The following CORIN variants were observed in gnomAD, a reference collection of about 807,000 sequenced individuals.
CORIN encodes the protein atrial natriuretic peptide-converting enzyme.
In CORIN, 117 loss-of-function variants were observed where a neutral mutation model predicts 125.3. That is an observed-to-expected ratio of 0.93 (90% CI 0.80 to 1.09). CORIN has a LOEUF of 1.09. Among genes scored for constraint, CORIN ranks in the 50% least tolerant of loss-of-function variants. The pLI is 0.00. For missense variants in CORIN, 1,253 were observed against 1,306.7 expected, an observed-to-expected ratio of 0.96 and a Z score of 0.63; for synonymous variants, 450 against 466.4, an observed-to-expected ratio of 0.96 and a Z score of 0.45.
intron 16 of CORIN, among the ~76,000 whole-genome samples, chr4:47,628,528 G>A (rs1722678670): frequency 6.6e-6 from 1 of 151,130 alleles, no homozygotes; most frequent in African/African-American, 2.4e-5. Flanking sequence ...ATTTAGCATC[G>A]TTAACTATAG....
chr4:47,822,673 A>T (rs1732568517), intron 1 of CORIN, among the ~76,000 whole-genome samples: 1 of 152,108 alleles, frequency 6.6e-6, no homozygotes, highest in Non-Finnish European at 1.5e-5. Context: ...TTCTCATTGA[A>T]TCCTATCAAT....
chr4:47,769,282 A>G (rs1729909201), intron 3 of CORIN, among the ~76,000 whole-genome samples: 3 of 148,310 alleles, frequency 2.0e-5, no homozygotes, highest in African/African-American at 7.3e-5. Context: ...TCACATTTAC[A>G]ATAGCTACAA....
chr4:47,711,794 C>T (rs1726849820), intron 5 of CORIN, among the ~76,000 whole-genome samples: 1 of 152,134 alleles, frequency 6.6e-6, no homozygotes, highest in South Asian at 2.1e-4. Flanking sequence ...AGGTCAAGCC[C>T]CTGGTATGAG....
chr4:47,832,699 A>G (rs1464019508), intron 1 of CORIN, among the ~76,000 whole-genome samples: 1 of 152,032 alleles, frequency 6.6e-6, no homozygotes, highest in African/African-American at 2.4e-5. Flanking sequence ...CATCTGGCTC[A>G]GCCTCCAGTA....
chr4:47,607,546 C>A (rs1009583046), intron 19 of CORIN, among the ~76,000 whole-genome samples: 2 of 152,046 alleles, frequency 1.3e-5, no homozygotes, highest in Admixed American at 1.3e-4. Flanking sequence ...TTGATGTCTT[C>A]CCTCCTGTCA....
At chr4:47,710,575 G>A (rs1286410111) in intron 5 of CORIN, among the ~76,000 whole-genome samples, 1 of 152,186 alleles carries the variant, frequency 6.6e-6, no homozygotes, top group African/African-American at 2.4e-5. Context: ...GGCCTCACAG[G>A]GGTACCAGTG....
intron 3 of CORIN, among the ~76,000 whole-genome samples, chr4:47,777,526 G>C (rs1258089442): frequency 6.6e-6 from 1 of 152,156 alleles, no homozygotes; most frequent in Non-Finnish European, 1.5e-5. Flanking sequence ...AGCTACTCGG[G>C]AGGCTGAGGC....
At chr4:47,715,340 T>G (rs7662371) in intron 5 of CORIN, among the ~76,000 whole-genome samples, 14,978 of 152,264 alleles carry the variant, frequency 0.098, 871 homozygotes, top group East Asian at 0.27. Flanking sequence ...GCCCAGTGGC[T>G]CACATCTGTA....
At position 47,679,214 on chromosome 4, in the gene CORIN, A is replaced by ATATT. The variant is rs201918729; in HGVS notation, c.1132+923_1132+926dup. Among the ~76,000 whole-genome samples, 20 of 152,316 alleles carry ATATT rather than the reference A, an allele frequency of 1.3e-4. No individual in the cohort carries two copies. In the East Asian group the frequency reaches 3.7e-3, roughly 28 times the overall value. On this transcript the variant is annotated intron_variant, in intron 8 of 21. Transcript: ENST00000273857. ...CCTGACAGCTTCTATTCAATCATGT[A>ATATT]TATTATTCTCTAATGGGTATAGTAT...
intron 16 of CORIN, among the ~76,000 whole-genome samples, chr4:47,631,887 T>G (rs189768738): frequency 5.8e-4 from 89 of 152,324 alleles, no homozygotes; most frequent in African/African-American, 2.1e-3. Context: ...TGAGGAATTG[T>G]GTAGTCATAA....
intron 12 of CORIN, among the ~76,000 whole-genome samples, chr4:47,660,321 C>CA (rs1221655812): frequency 6.6e-6 from 1 of 151,982 alleles, no homozygotes; most frequent in Non-Finnish European, 1.5e-5. Context: ...ACAACCAAAG[C>CA]AAAAATGGAC....
At chr4:47,704,446 T>C (rs1409129001) in intron 5 of CORIN, among the ~76,000 whole-genome samples, 1 of 151,956 alleles carries the variant, frequency 6.6e-6, no homozygotes, top group East Asian at 1.9e-4. Flanking sequence ...GTGAACAATC[T>C]ATAGCCATCC....
intron 1 of CORIN, among the ~76,000 whole-genome samples, chr4:47,828,606 C>T (rs1336661886): frequency 6.6e-6 from 1 of 152,154 alleles, no homozygotes; most frequent in Non-Finnish European, 1.5e-5. Context: ...GATAATCTCC[C>T]CATCTCAAAA....
At chr4:47,778,516 G>A (rs1025172168) in intron 3 of CORIN, among the ~76,000 whole-genome samples, 2 of 152,180 alleles carry the variant, frequency 1.3e-5, no homozygotes, top group African/African-American at 4.8e-5. Flanking sequence ...GAATGAGGAG[G>A]AAGGGAAGGA....
At chr4:47,733,000 C>T (rs1232056552) in intron 5 of CORIN, among the ~76,000 whole-genome samples, 1 of 152,206 alleles carries the variant, frequency 6.6e-6, no homozygotes, top group Non-Finnish European at 1.5e-5. Context: ...ATGTCCATCT[C>T]TCCACTGGCC....
intron 13 of CORIN, among the ~76,000 whole-genome samples, chr4:47,646,246 G>A (rs559422615): frequency 2.0e-5 from 3 of 152,264 alleles, no homozygotes; most frequent in Admixed American, 6.5e-5. Flanking sequence ...ACCTTAAAAT[G>A]TAATTTCATT....
At chr4:47,747,378 GA>G (rs954727253) in intron 4 of CORIN, among the ~76,000 whole-genome samples, 12 of 149,714 alleles carry the variant, frequency 8.0e-5, no homozygotes, top group South Asian at 2.1e-4. Flanking sequence ...CATTTAAAGG[GA>G]AAAAAAAACA....
chr4:47,688,002 C>G (rs1031856715), intron 6 of CORIN, among the ~76,000 whole-genome samples: 21 of 152,122 alleles, frequency 1.4e-4, no homozygotes, highest in African/African-American at 4.8e-4. Flanking sequence ...CATCTCTGGC[C>G]TCTACCCACT....
chr4:47,810,573 CA>C (rs1388264917), intron 1 of CORIN, among the ~76,000 whole-genome samples: 1 of 152,208 alleles, frequency 6.6e-6, no homozygotes. Flanking sequence ...CATTGTACCA[CA>C]AGTGTATGCT....
Sources: gnomAD v4.1 joint callset for allele counts (sites outside exome capture counted in the v4.1 genomes callset) on GRCh38, gnomAD v4.1.1 for gene constraint, MANE v1.5 for transcripts, NCBI Gene and HGNC (gene_info 2026-07-23, HGNC 2026-07-21) for gene names.